Variants in ZBTB20 observed in about 807,000 individuals in gnomAD.
ZBTB20 encodes the protein zinc finger and BTB domain-containing protein 20.
A neutral mutation model predicts 56.9 loss-of-function variants in ZBTB20; 9 were observed. The ratio of observed to expected loss-of-function variants is 0.16; its 90% CI spans 0.10 to 0.28. ZBTB20 has a LOEUF of 0.28. Among genes scored for constraint, ZBTB20 ranks in the 10% least tolerant of loss-of-function variants. The pLI, the probability that ZBTB20 is intolerant of heterozygous loss-of-function variation, is 1.00. For missense variants in ZBTB20, 655 were observed against 1,003.0 expected (o/e 0.65, Z 4.69); for synonymous variants, 417 against 420.7 (o/e 0.99, Z 0.11).
At chr3:114,430,500 A>G (rs1280436992) in intron 7 of ZBTB20, among the ~76,000 whole-genome samples, 2 of 152,232 alleles carry the variant, frequency 1.3e-5, no homozygotes, top group African/African-American at 4.8e-5. Flanking sequence ...GATATCTACT[A>G]TATGATGCTA....
intron 5 of ZBTB20, among the ~76,000 whole-genome samples, chr3:114,722,738 G>T (rs756627376): frequency 2.6e-5 from 4 of 152,126 alleles, no homozygotes; most frequent in Non-Finnish European, 5.9e-5. Context: ...GTCATGACAA[G>T]CCAATGAGAG....
intron 5 of ZBTB20, among the ~76,000 whole-genome samples, chr3:114,775,233 T>C (rs1056506355): frequency 6.6e-6 from 1 of 152,142 alleles, no homozygotes; most frequent in African/African-American, 2.4e-5. Flanking sequence ...AATTTTCATA[T>C]GTTAGAACAA....
chr3:114,551,161 G>T (rs986470250), intron 6 of ZBTB20, among the ~76,000 whole-genome samples: 1 of 152,016 alleles, frequency 6.6e-6, no homozygotes, highest in African/African-American at 2.4e-5. Flanking sequence ...TTTTTTAATC[G>T]ATTAAAAATA....
intron 4 of ZBTB20, chr3:114,873,214 T>C (rs1490214903): frequency 1.3e-5 from 2 of 152,232 alleles, no homozygotes; most frequent in Admixed American, 6.5e-5. Flanking sequence ...GTCTCTTTTA[T>C]GGTCAACTGT....
chr3:114,718,730 C>A (rs1298601712), intron 5 of ZBTB20, among the ~76,000 whole-genome samples: 1 of 152,072 alleles, frequency 6.6e-6, no homozygotes, highest in African/African-American at 2.4e-5. Flanking sequence ...CACTTGCCTG[C>A]CACTTGCCAC....
At chr3:114,665,492 G>A (rs1240210666) in intron 6 of ZBTB20, among the ~76,000 whole-genome samples, 4 of 151,940 alleles carry the variant, frequency 2.6e-5, no homozygotes, top group Admixed American at 6.6e-5. Flanking sequence ...TCTTACCTAG[G>A]AAAGGGACTT....
intron 4 of ZBTB20, among the ~76,000 whole-genome samples, chr3:114,815,242 T>C (rs1378694002): frequency 1.3e-5 from 2 of 152,238 alleles, no homozygotes; most frequent in African/African-American, 4.8e-5. Context: ...AGTTAAGTCT[T>C]AATGAATTAT....
intron 2 of ZBTB20, among the ~76,000 whole-genome samples, chr3:114,991,288 AGATTCTAGTATGCTGT>A (rs2078797589): frequency 6.6e-6 from 1 of 152,078 alleles, no homozygotes; most frequent in Non-Finnish European, 1.5e-5. Context: ...TGTGTCCCAG[AGATTCTAGTATGCTGT>A]GTCTTTGTTC....
chr3:114,940,943 T>C (rs1336134368), intron 3 of ZBTB20, among the ~76,000 whole-genome samples: 1 of 146,332 alleles, frequency 6.8e-6, no homozygotes, highest in Non-Finnish European at 1.5e-5. Flanking sequence ...TCATTGTTAC[T>C]GATGAAGGAA....
chr3:114,669,468 T>C (rs1362536415), intron 6 of ZBTB20, among the ~76,000 whole-genome samples: 1 of 152,082 alleles, frequency 6.6e-6, no homozygotes, highest in Non-Finnish European at 1.5e-5. Context: ...AAGCTTCTTA[T>C]GCCCATTATT....
chr3:114,574,488 T>C (rs190888583), intron 6 of ZBTB20, among the ~76,000 whole-genome samples: 2 of 152,366 alleles, frequency 1.3e-5, no homozygotes, highest in East Asian at 3.9e-4. Flanking sequence ...TGAATCCTAG[T>C]GAATTATACT....
intron 6 of ZBTB20, among the ~76,000 whole-genome samples, chr3:114,657,188 T>C (rs907898529): frequency 1.3e-5 from 2 of 152,234 alleles, no homozygotes; most frequent in Admixed American, 6.5e-5. Context: ...TAGCAGGTTA[T>C]TAAATTACTA....
intron 4 of ZBTB20, among the ~76,000 whole-genome samples, chr3:114,805,849 T>C (rs1297473923): frequency 1.3e-5 from 2 of 151,904 alleles, no homozygotes; most frequent in Admixed American, 1.3e-4. Flanking sequence ...AAATAATATG[T>C]GATCTCTTTC....
chr3:114,512,479 C>A (rs948997104), intron 6 of ZBTB20, among the ~76,000 whole-genome samples: 9 of 152,150 alleles, frequency 5.9e-5, no homozygotes, highest in South Asian at 2.1e-4. Flanking sequence ...GGTTATTAGC[C>A]CACTTTAGAC....
chr3:114,398,043 G>A (rs1046274505), intron 7 of ZBTB20, among the ~76,000 whole-genome samples: 2 of 152,114 alleles, frequency 1.3e-5, no homozygotes, highest in African/African-American at 4.8e-5. Flanking sequence ...CTGAGCTACT[G>A]TATATACCAG....
intron 3 of ZBTB20, among the ~76,000 whole-genome samples, chr3:114,946,023 T>C (rs929395421): frequency 6.9e-6 from 1 of 145,640 alleles, no homozygotes; most frequent in African/African-American, 2.8e-5. Context: ...AATGTACAAA[T>C]TGACCAAACT....
rs1205713922 is a variant in ZBTB20 at position 114,339,508 on chromosome 3, C to A, written c.1805-82G>T. The A allele has an allele frequency of 1.4e-6, 2 of 1,416,030 alleles. No individual in the cohort carries two copies. The highest frequency in any genetic ancestry group is 1.4e-5 in the South Asian group (1 of 70,966). The allele number at this position is 1,416,030 out of a possible 1,614,324, so 87.7% of individuals were successfully genotyped here. Reference sequence around the variant, plus strand: ...AGAATGAAGGACAGGAAAAACAAGACAACAAAAAAGAAAAATAAAACAATT... The same window carrying A: ...AGAATGAAGGACAGGAAAAACAAGAAAACAAAAAAGAAAAATAAAACAATT... On this transcript the variant is annotated intron_variant, in intron 11 of 11. Transcript: ENST00000675478. This position sits in a 1 kb window ranked among gnomAD's most constrained non-coding sequence, Gnocchi z 4.2.
intron 2 of ZBTB20, among the ~76,000 whole-genome samples, chr3:114,981,133 T>A (rs1416168344): frequency 6.6e-6 from 1 of 151,914 alleles, no homozygotes; most frequent in Non-Finnish European, 1.5e-5. Flanking sequence ...ATCACGAAAT[T>A]TTGTATGAAA....
At chr3:114,530,785 T>C (rs984725195) in intron 6 of ZBTB20, among the ~76,000 whole-genome samples, 1 of 152,182 alleles carries the variant, frequency 6.6e-6, no homozygotes, top group Non-Finnish European at 1.5e-5. Flanking sequence ...TTGGACATTT[T>C]CAGTTTTATT....
Sources: allele counts gnomAD v4.1 joint callset (sites outside exome capture counted in the v4.1 genomes callset), GRCh38; gene constraint gnomAD v4.1.1; non-coding constraint Gnocchi (gnomAD v3.1); transcripts MANE v1.5; gene names NCBI Gene and HGNC (gene_info 2026-07-23, HGNC 2026-07-21).